Variants in SGCG observed in about 807,000 individuals in gnomAD.
SGCG encodes the protein sarcoglycan gamma.
A neutral mutation model predicts 29.3 loss-of-function variants in SGCG; 26 were observed. That is an observed-to-expected ratio of 0.89 (90% CI 0.65 to 1.23). The LOEUF (loss-of-function observed/expected upper bound fraction) is 1.23. Ranked by LOEUF, SGCG falls within the 50% of genes most tolerant of loss-of-function variation. SGCG has a pLI of 0.00. For missense variants in SGCG, 353 were observed against 356.0 expected (o/e 0.99, Z 0.07); for synonymous variants, 145 against 129.7 (o/e 1.12, Z -0.80).
chr13:23,171,506 G>A, the SGCG span, among the ~76,000 whole-genome samples: 1 of 152,136 alleles, frequency 6.6e-6, no homozygotes, highest in Non-Finnish European at 1.5e-5. Flanking sequence ...CAGAGTACAG[G>A]ATATCAGCCA....
the SGCG span, chr13:23,169,721 C>CACACACAA: frequency 8.8e-6 from 1 of 113,866 alleles, no homozygotes; most frequent in Non-Finnish European, 1.9e-5. Context: ...CACACACACA[C>CACACACAA]ACACACACAC....
At chr13:23,244,200 A>G (rs368228431) in intron 3 of SGCG, 1 of 152,222 alleles carries the variant, frequency 6.6e-6, no homozygotes, top group East Asian at 1.9e-4. Context: ...TCAGGATTAC[A>G]TATCATATCA....
intron 2 of SGCG, among the ~76,000 whole-genome samples, chr13:23,216,419 G>C (rs1878430012): frequency 6.6e-6 from 1 of 152,102 alleles, no homozygotes; most frequent in African/African-American, 2.4e-5. Context: ...TATGAAGTTA[G>C]CAATGACCAA....
intron 4 of SGCG, among the ~76,000 whole-genome samples, chr13:23,258,530 AC>A (rs1255739113): frequency 3.3e-5 from 5 of 152,062 alleles, no homozygotes; most frequent in African/African-American, 7.2e-5. Flanking sequence ...CTCACTGAAT[AC>A]CCTTTATTTC....
intron 2 of SGCG, among the ~76,000 whole-genome samples, chr13:23,207,638 T>G (rs1878032325): frequency 1.3e-5 from 2 of 152,204 alleles, no homozygotes; most frequent in Admixed American, 6.5e-5. Flanking sequence ...AATAACCTGA[T>G]TAAAAATGGA....
At chr13:23,303,312 A>T (rs1882240702) in intron 6 of SGCG, among the ~76,000 whole-genome samples, 1 of 152,220 alleles carries the variant, frequency 6.6e-6, no homozygotes, top group Non-Finnish European at 1.5e-5. Context: ...AGTAACTGGG[A>T]CTGGATGCAC....
chr13:23,215,800 TAA>T (rs34236900), intron 2 of SGCG, among the ~76,000 whole-genome samples: 19 of 145,870 alleles, frequency 1.3e-4, no homozygotes, highest in Non-Finnish European at 2.0e-4. Context: ...AGCTGAGAGT[TAA>T]AAAAAAAAAA....
At chr13:23,192,516 C>T (rs1877315244) in intron 1 of SGCG, among the ~76,000 whole-genome samples, 1 of 152,130 alleles carries the variant, frequency 6.6e-6, no homozygotes, top group Non-Finnish European at 1.5e-5. Flanking sequence ...GCCTCAGCCT[C>T]CCGAGTAGCC....
chr13:23,302,160 T>C (rs1032936037), intron 6 of SGCG, among the ~76,000 whole-genome samples: 1 of 151,990 alleles, frequency 6.6e-6, no homozygotes, highest in Non-Finnish European at 1.5e-5. Context: ...CTTGACCTAA[T>C]ACTTACAGTT....
rs746969527 is a variant in SGCG at position 23,279,455 on chromosome 13, G to A, written c.482G>A (p.Gly161Asp). The change falls in exon 5 of 8, where the codon GGT becomes GAT. Residue 161 changes from glycine to aspartate, a missense_variant. Gly to Asp is a moderately conservative substitution (Grantham distance 94, BLOSUM62 -1). Coordinates refer to ENST00000218867, the MANE Select transcript of SGCG (RefSeq NM_000231.3). ...GTAGATGAGAAGGAAGTTGTGGTTG[G>A]TACAGATAAACTTCGAGTAACTGGT... ...FTVDEKEVVV[G>D]TDKLRVTGPE... 25 of 1,613,216 alleles carry A rather than the reference G, an allele frequency of 1.5e-5. No homozygotes were observed. In the South Asian group the frequency reaches 2.5e-4, roughly 16 times the overall value.
intron 6 of SGCG, among the ~76,000 whole-genome samples, chr13:23,304,149 C>T (rs1882277427): frequency 6.6e-6 from 1 of 152,050 alleles, no homozygotes; most frequent in African/African-American, 2.4e-5. Flanking sequence ...CCCTTCATCC[C>T]TGATATATGT....
At chr13:23,243,342 C>A (rs1330978427) in intron 3 of SGCG, among the ~76,000 whole-genome samples, 1 of 152,220 alleles carries the variant, frequency 6.6e-6, no homozygotes, top group African/African-American at 2.4e-5. Flanking sequence ...GACACACAGC[C>A]GGGAAATGTG....
chr13:23,179,340 G>A (rs531124066), upstream of SGCG, among the ~76,000 whole-genome samples: 1 of 152,260 alleles, frequency 6.6e-6, no homozygotes, highest in South Asian at 2.1e-4. Context: ...AAATGAATCT[G>A]TAAATATGAG....
chr13:23,300,436 T>C (rs916928150), intron 6 of SGCG, among the ~76,000 whole-genome samples: 14 of 152,290 alleles, frequency 9.2e-5, no homozygotes, highest in South Asian at 2.1e-4. Flanking sequence ...CAAGTGATTG[T>C]TCAGTGTGCA....
At chr13:23,286,230 T>C (rs969981328) in intron 5 of SGCG, among the ~76,000 whole-genome samples, 1 of 152,202 alleles carries the variant, frequency 6.6e-6, no homozygotes, top group Non-Finnish European at 1.5e-5. Flanking sequence ...CAGGACAGTA[T>C]ACAGAATTCA....
At chr13:23,269,190 T>C (rs955551438) in intron 4 of SGCG, 5 of 152,362 alleles carry the variant, frequency 3.3e-5, no homozygotes, top group Admixed American at 3.3e-4. Context: ...AGGATAATGC[T>C]GAATTTGTGT....
At chr13:23,281,341 G>GTAATAATAATAATAA (rs57723057) in intron 5 of SGCG, among the ~76,000 whole-genome samples, 1 of 146,572 alleles carries the variant, frequency 6.8e-6, no homozygotes, top group African/African-American at 2.6e-5. Context: ...CCGTGTCTCA[G>GTAATAATAATAATAA]TAATAATAAT....
intron 3 of SGCG, among the ~76,000 whole-genome samples, chr13:23,242,750 A>G (rs1335588556): frequency 6.6e-6 from 1 of 152,178 alleles, no homozygotes; most frequent in African/African-American, 2.4e-5. Context: ...CTGTGAATGT[A>G]CCTAATGTCA....
intron 4 of SGCG, 83 bp from the exon 5 acceptor site, chr13:23,279,276 G>C: frequency 7.8e-7 from 1 of 1,276,446 alleles, no homozygotes; most frequent in African/African-American, 1.5e-5. Flanking sequence ...TGGTATTGTA[G>C]GGTTGACGTG....
Sources: allele counts gnomAD v4.1 joint callset (sites outside exome capture counted in the v4.1 genomes callset), GRCh38; gene constraint gnomAD v4.1.1; transcripts MANE v1.5; gene names NCBI Gene and HGNC (gene_info 2026-07-23, HGNC 2026-07-21).